The following DCDC1 variants were observed in gnomAD, a reference collection of about 807,000 sequenced individuals.
DCDC1 encodes doublecortin domain-containing protein 1.
A neutral mutation model predicts 178.3 loss-of-function variants in DCDC1; 200 were observed. The observed-to-expected ratio is 1.12, with a 90% CI of 1.00 to 1.26. DCDC1 has a LOEUF of 1.26. Ranked by LOEUF, DCDC1 falls within the 50% of genes most tolerant of loss-of-function variation. The pLI is 0.00. For synonymous variants in DCDC1, 690 were observed against 604.8 expected (o/e 1.14, Z -2.07); for missense variants, 1,983 against 1,749.2 (o/e 1.13, Z -2.38).
intron 9 of DCDC1, among the ~76,000 whole-genome samples, chr11:31,158,258 G>A (rs919499030): frequency 6.6e-6 from 1 of 150,824 alleles, no homozygotes; most frequent in Admixed American, 6.6e-5. Context: ...ACAGGCACCC[G>A]CCATCACGCC....
chr11:31,230,009 G>A (rs1407749438), intron 9 of DCDC1, among the ~76,000 whole-genome samples: 1 of 152,056 alleles, frequency 6.6e-6, no homozygotes, highest in East Asian at 1.9e-4. Flanking sequence ...GTCCTAGCCA[G>A]AACAGTTAGA....
chr11:30,924,764 C>A (rs2134268331), intron 23 of DCDC1, among the ~76,000 whole-genome samples: 1 of 152,148 alleles, frequency 6.6e-6, no homozygotes, highest in Admixed American at 6.5e-5. Context: ...AGTCTAGGAT[C>A]ATGATGAACA....
intron 17 of DCDC1, 133 bp from the exon 18 acceptor site, chr11:31,078,058 A>G: frequency 3.1e-6 from 2 of 642,156 alleles, no homozygotes; most frequent in Non-Finnish European, 5.6e-6. Flanking sequence ...TTCTGCCACC[A>G]TCACTTTTAT....
intron 20 of DCDC1, among the ~76,000 whole-genome samples, chr11:30,983,270 C>T (rs1342387905): frequency 3.9e-5 from 6 of 152,142 alleles, no homozygotes; most frequent in African/African-American, 1.4e-4. Flanking sequence ...AGAAGTGTTT[C>T]CCATTGGGCA....
intron 9 of DCDC1, among the ~76,000 whole-genome samples, chr11:31,140,673 A>G (rs1183975480): frequency 6.6e-6 from 1 of 152,200 alleles, no homozygotes; most frequent in Non-Finnish European, 1.5e-5. Flanking sequence ...AGAAAACTGA[A>G]CAAAATTTTT....
At chr11:31,232,323 A>G (rs1013125122) in intron 9 of DCDC1, among the ~76,000 whole-genome samples, 3 of 152,172 alleles carry the variant, frequency 2.0e-5, no homozygotes, top group Non-Finnish European at 4.4e-5. Flanking sequence ...TCTAAAATAT[A>G]CTTAACAGTT....
At chr11:31,212,738 A>G (rs746000213) in intron 9 of DCDC1, among the ~76,000 whole-genome samples, 1 of 152,184 alleles carries the variant, frequency 6.6e-6, no homozygotes, top group Non-Finnish European at 1.5e-5. Context: ...CTATTAGGAA[A>G]TATCTGGGGA....
chr11:31,123,966 AAAC>A (rs1290333282), intron 11 of DCDC1, among the ~76,000 whole-genome samples: 1 of 152,134 alleles, frequency 6.6e-6, no homozygotes, highest in Non-Finnish European at 1.5e-5. Flanking sequence ...TAGTGAATCT[AAAC>A]AAATACAACA....
At chr11:31,329,925 T>G (rs543066275) in intron 2 of DCDC1, among the ~76,000 whole-genome samples, 1 of 152,372 alleles carries the variant, frequency 6.6e-6, no homozygotes, top group Non-Finnish European at 1.5e-5. Flanking sequence ...AGTAATGGGA[T>G]GGCTGGGTCA....
intron 18 of DCDC1, among the ~76,000 whole-genome samples, chr11:31,076,092 C>G (rs1956848936): frequency 6.6e-6 from 1 of 152,192 alleles, no homozygotes; most frequent in African/African-American, 2.4e-5. Context: ...CTCCAGACCT[C>G]AGGTGATCCA....
At position 30,905,162 on chromosome 11, in the gene DCDC1, A is replaced by G. The variant is rs1223816876; in HGVS notation, c.4107T>C (p.Val1369=). ...TTTCAGCCTTGTCACACGACAAATC[A>G]ACCTAATTTTTTAAAAAATAAATTG... is the stretch of plus-strand genomic sequence containing the variant. ...GPFKVISVAE[V]DLSCDKAEKT... is the part of the protein sequence containing the mutation. The change falls in exon 31 of 39, where the codon GTT becomes GTC. Residue 1369 remains valine (V), a splice_region_variant and synonymous_variant. Coordinates refer to ENST00000684477, the MANE Select transcript of DCDC1 (RefSeq NM_001387274.1). 6.3e-7 allele frequency: 1 copy of G among 1,576,920 alleles called. No homozygotes were observed. The highest frequency in any genetic ancestry group is 1.4e-5 in the African/African-American group (1 of 73,810).
intron 20 of DCDC1, among the ~76,000 whole-genome samples, chr11:30,998,306 A>G (rs925368873): frequency 6.6e-6 from 1 of 151,638 alleles, no homozygotes; most frequent in Non-Finnish European, 1.5e-5. Context: ...TAAAATAAAA[A>G]TTAAAAAGTG....
At chr11:31,198,862 T>A (rs1970984950) in intron 9 of DCDC1, among the ~76,000 whole-genome samples, 1 of 152,032 alleles carries the variant, frequency 6.6e-6, no homozygotes, top group African/African-American at 2.4e-5. Context: ...TTCTTGAAGT[T>A]GCCCCCAAAA....
intron 20 of DCDC1, among the ~76,000 whole-genome samples, chr11:31,039,761 T>C (rs901928725): frequency 1.3e-5 from 2 of 152,144 alleles, no homozygotes; most frequent in Admixed American, 6.5e-5. Flanking sequence ...GACTGAAAAT[T>C]ACTCTTTTAA....
intron 6 of DCDC1, among the ~76,000 whole-genome samples, chr11:31,305,401 T>G (rs550834042): frequency 1.3e-5 from 2 of 152,280 alleles, no homozygotes; most frequent in East Asian, 3.9e-4. Flanking sequence ...AGATCTATAT[T>G]AAATTAAGCA....
At chr11:31,036,307 C>T (rs1293684309) in intron 20 of DCDC1, among the ~76,000 whole-genome samples, 1 of 152,148 alleles carries the variant, frequency 6.6e-6, no homozygotes, top group African/African-American at 2.4e-5. Flanking sequence ...ATATTCTGTG[C>T]ATGTTCTTAA....
intron 9 of DCDC1, among the ~76,000 whole-genome samples, chr11:31,197,779 T>C (rs1970855206): frequency 1.3e-5 from 2 of 152,078 alleles, no homozygotes; most frequent in African/African-American, 4.8e-5. Flanking sequence ...CCAAAATCTA[T>C]ATTGCTCCTT....
At chr11:31,348,599 G>A (rs998382545) in intron 1 of DCDC1, among the ~76,000 whole-genome samples, 8 of 152,048 alleles carry the variant, frequency 5.3e-5, no homozygotes, top group Admixed American at 3.3e-4. Context: ...ATGCTGAAAC[G>A]GCATCCCCAT....
In DCDC1 at chr11:31,072,116, T is replaced by C. The variant is rs192365465; in HGVS notation, c.2298+5749A>G. ...AGTTTTCTTTTATCTTTATCAGCATTGTATATTCCTAGTTTTACATCTTCC... is the reference window on the plus strand; with the variant it reads ...AGTTTTCTTTTATCTTTATCAGCATCGTATATTCCTAGTTTTACATCTTCC... On this transcript the variant is annotated intron_variant, in intron 18 of 38. Coordinates refer to ENST00000684477, the MANE Select transcript of DCDC1 (RefSeq NM_001387274.1). Among the ~76,000 whole-genome samples, 31 of 152,356 alleles carry C rather than the reference T, an allele frequency of 2.0e-4. No individual in the cohort carries two copies. In the East Asian group the frequency reaches 5.0e-3, roughly 25 times the overall value.
Sources: allele counts gnomAD v4.1 joint callset (sites outside exome capture counted in the v4.1 genomes callset), GRCh38; gene constraint gnomAD v4.1.1; transcripts MANE v1.5; gene names NCBI Gene and HGNC (gene_info 2026-07-23, HGNC 2026-07-21).